The following PIEZO2 variants were observed in gnomAD, a reference collection of about 807,000 sequenced individuals.
PIEZO2 encodes the protein piezo type mechanosensitive ion channel component 2, also known as piezo-type mechanosensitive ion channel component 2.
In PIEZO2, 172 loss-of-function variants were observed where a neutral mutation model predicts 337.3. The ratio of observed to expected loss-of-function variants is 0.51; its 90% CI spans 0.45 to 0.58. The LOEUF (loss-of-function observed/expected upper bound fraction) is 0.58, where lower values mean the gene tolerates loss of function less well. PIEZO2 is among the 20% of genes least tolerant of loss of function. PIEZO2 has a pLI of 0.00. For synonymous variants in PIEZO2, 1,251 were observed against 1,228.5 expected (o/e 1.02, Z -0.38); for missense variants, 3,028 against 3,391.3 (o/e 0.89, Z 2.66).
At chr18:11,087,592 T>C (rs921698702) in intron 1 of PIEZO2, among the ~76,000 whole-genome samples, 7 of 152,226 alleles carry the variant, frequency 4.6e-5, no homozygotes, top group African/African-American at 1.7e-4. Context: ...CCTGTGAACA[T>C]TGATAATTTT....
Position 10,784,908 on chromosome 18 carries a change from G to A in PIEZO2, c.2368C>T (p.Arg790Cys), listed in dbSNP as rs1413072847. 1.0e-5 allele frequency: 16 copies of A among 1,537,232 alleles called. No individual in the cohort carries two copies. The highest frequency in any genetic ancestry group is 4.1e-5 in the African/African-American group (3 of 73,016). The change falls in exon 17 of 56, where the codon CGC (arginine) becomes TGC (cysteine). Residue 790 changes from arginine (R) to cysteine (C), a missense_variant. By Grantham distance (180) the Arg-to-Cys change is radical. Coordinates refer to ENST00000674853, the MANE Select transcript of PIEZO2 (RefSeq NM_001378183.1). This position sits in a 1 kb window ranked among gnomAD's most constrained non-coding sequence, Gnocchi z 4.5. The stretch of plus-strand genomic sequence containing the variant: ...AGAAAGGAGGTTGGGATGAATATGC[G>A]AGTGAATAGTTCAGCCACAGTAAAC... ...KQFTVAELFT[R>C]IFIPTSFLLV...
intron 7 of PIEZO2, among the ~76,000 whole-genome samples, chr18:10,843,971 G>A (rs1473504668): frequency 6.6e-6 from 1 of 152,242 alleles, no homozygotes; most frequent in Non-Finnish European, 1.5e-5. Flanking sequence ...AGGATGGTAG[G>A]AAGGGAGTCT....
At chr18:10,930,392 CA>C (rs2032006275) in intron 3 of PIEZO2, among the ~76,000 whole-genome samples, 1 of 152,194 alleles carries the variant, frequency 6.6e-6, no homozygotes, top group African/African-American at 2.4e-5. Context: ...CCCTTTCAAC[CA>C]ATTGCCAATC....
intron 2 of PIEZO2, among the ~76,000 whole-genome samples, chr18:11,055,327 G>A (rs548608198): frequency 3.9e-5 from 6 of 152,110 alleles, no homozygotes; most frequent in Admixed American, 3.3e-4. Context: ...GGCAGGGTGT[G>A]CAACTCCAGC....
At chr18:11,081,904 C>A (rs1457985690) in intron 1 of PIEZO2, among the ~76,000 whole-genome samples, 1 of 152,096 alleles carries the variant, frequency 6.6e-6, no homozygotes, top group Non-Finnish European at 1.5e-5. Flanking sequence ...GGACTACAGG[C>A]ACATGCCACC....
rs2040175181 is a variant in PIEZO2, at chr18:11,126,147, T to C, written c.64+22378A>G. Among the ~76,000 whole-genome samples, 1 of 152,244 alleles carries C rather than the reference T, an allele frequency of 6.6e-6. No homozygotes were observed. Among genetic ancestry groups the C allele is most frequent in the African/African-American group, 2.4e-5 (1 of 41,466 alleles). On this transcript the variant is annotated intron_variant, in intron 1 of 55. Coordinates refer to ENST00000674853, the MANE Select transcript of PIEZO2 (RefSeq NM_001378183.1). This position sits in a 1 kb window ranked among gnomAD's most constrained non-coding sequence, Gnocchi z 4.6. ...GCCTGCAGCACAGGTAGCTGAGCCA[T>C]ATGCTCCCCCGCATAGAGACTGGTT... is the stretch of plus-strand genomic sequence containing the variant.
chr18:10,921,595 G>A (rs1178801015), intron 3 of PIEZO2, among the ~76,000 whole-genome samples: 1 of 152,066 alleles, frequency 6.6e-6, no homozygotes, highest in African/African-American at 2.4e-5. Flanking sequence ...AAATTGTAGA[G>A]CATGTGTGTT....
chr18:11,044,229 T>C (rs1005741777), intron 2 of PIEZO2, among the ~76,000 whole-genome samples: 20 of 150,534 alleles, frequency 1.3e-4, no homozygotes, highest in Admixed American at 3.3e-4. Flanking sequence ...TAAATAATAC[T>C]ACCTCAGGAA....
chr18:11,107,788 T>G (rs2039613100), intron 1 of PIEZO2, among the ~76,000 whole-genome samples: 1 of 152,226 alleles, frequency 6.6e-6, no homozygotes, highest in Non-Finnish European at 1.5e-5. Flanking sequence ...ATGATTTAAT[T>G]ATGAAAGCTA....
Position 10,794,751 on chromosome 18 carries a change from T to C in PIEZO2, c.1758+21A>G, listed in dbSNP as rs750799282. The C allele has an allele frequency of 1.4e-6, 2 of 1,450,182 alleles. No individual in the cohort carries two copies. Among genetic ancestry groups the C allele is most frequent in the South Asian group, 2.6e-5 (2 of 77,466 alleles). The allele number at this position is 1,450,182 out of a possible 1,614,324, so 89.8% of individuals were successfully genotyped here. A position where few individuals can be genotyped will look rare whatever the true frequency, so the allele number is the denominator to read the frequency against. On this transcript the variant is annotated intron_variant, in intron 13 of 55. Transcript: ENST00000674853. The surrounding 1 kb of genome is among the most constrained non-coding windows in gnomAD (Gnocchi z 6.6). The stretch of plus-strand genomic sequence containing the variant: ...GTGGTTTTGTGTCATTGTTTTGTTT[T>C]ATTGTATTCTATTCACTTACTTTGG...
intron 28 of PIEZO2, among the ~76,000 whole-genome samples, chr18:10,751,531 A>G (rs2037644093): frequency 6.6e-6 from 1 of 152,242 alleles, no homozygotes; most frequent in Non-Finnish European, 1.5e-5. Flanking sequence ...TTCAGACAAA[A>G]TAAATTATCC....
intron 46 of PIEZO2, 41 bp from the exon 47 acceptor site, chr18:10,696,329 T>C (rs377647270): frequency 5.1e-5 from 82 of 1,613,634 alleles, no homozygotes; most frequent in Middle Eastern, 3.3e-4. Context: ...GAGAGGCAAT[T>C]CATGGCAGGA....
rs544593567 is a variant in PIEZO2, at chr18:10,783,837, A to G, written c.2492+947T>C. Among the ~76,000 whole-genome samples, 9 of 152,222 alleles carry G rather than the reference A, an allele frequency of 5.9e-5. No individual in the cohort carries two copies. The highest frequency in any genetic ancestry group is 1.3e-4 in the Admixed American group (2 of 15,282). ...ATCATTAAATAAATGTTTTGGGTCT[A>G]TCCATAACTCTAGTTCCTACACAGC... On this transcript the variant is annotated intron_variant, in intron 17 of 55. Transcript: ENST00000674853. This position sits in a 1 kb window ranked among gnomAD's most constrained non-coding sequence, Gnocchi z 4.3.
intron 1 of PIEZO2, among the ~76,000 whole-genome samples, chr18:11,066,614 G>A (rs1367351622): frequency 6.6e-6 from 1 of 151,926 alleles, no homozygotes; most frequent in Admixed American, 6.6e-5. Context: ...TTGTTTTTTT[G>A]TTTGTGACTG....
rs1568330551 is a variant in PIEZO2 at position 11,051,376 on chromosome 18, G to GGTGTGT, written c.160+14750_160+14751insACACAC. Among the ~76,000 whole-genome samples, 15 of 108,566 alleles carry GGTGTGT rather than the reference G, an allele frequency of 1.4e-4. 1 individual carries two copies. The highest frequency in any genetic ancestry group is 7.1e-4 in the Admixed American group (8 of 11,304). The allele number at this position is 108,566 out of a possible 152,430, so 71.2% of individuals were successfully genotyped here. ...GTGTGTGTGTGTGTGTGTGGGTGTG[G>GGTGTGT]GTGTGGGTGTGGGTGTAACATAAAC... On this transcript the variant is annotated intron_variant, in intron 2 of 55. Transcript: ENST00000674853.
intron 30 of PIEZO2, among the ~76,000 whole-genome samples, chr18:10,745,841 C>T (rs2037401000): frequency 6.6e-6 from 1 of 152,140 alleles, no homozygotes; most frequent in South Asian, 2.1e-4. Flanking sequence ...ACTGGAATTC[C>T]CAACTGGCTG....
At chr18:11,020,132 A>C (rs2036258843) in intron 2 of PIEZO2, among the ~76,000 whole-genome samples, 2 of 152,348 alleles carry the variant, frequency 1.3e-5, no homozygotes, top group Non-Finnish European at 2.9e-5. Flanking sequence ...TTTTTAAAAA[A>C]ATAGTCACAC....
intron 2 of PIEZO2, among the ~76,000 whole-genome samples, chr18:10,997,972 T>G (rs1309961278): frequency 6.6e-6 from 1 of 152,070 alleles, no homozygotes; most frequent in Admixed American, 6.6e-5. Context: ...GATACATAAC[T>G]AACCTGTTGA....
chr18:11,108,482 C>T (rs1281101260), intron 1 of PIEZO2, among the ~76,000 whole-genome samples: 3 of 151,750 alleles, frequency 2.0e-5, no homozygotes, highest in Middle Eastern at 3.4e-3. Flanking sequence ...GGCGCGGTGG[C>T]GGGCGCCTGT....
Sources: gnomAD v4.1 joint callset for allele counts (sites outside exome capture counted in the v4.1 genomes callset) on GRCh38, gnomAD v4.1.1 for gene constraint, Gnocchi (gnomAD v3.1) non-coding constraint, MANE v1.5 for transcripts, NCBI Gene and HGNC (gene_info 2026-07-23, HGNC 2026-07-21) for gene names.